Variants in DTD1 observed in about 807,000 individuals in gnomAD.
DTD1 encodes the protein D-aminoacyl-tRNA deacylase 1, also known as D-tyrosyl-tRNA deacylase 1 homolog.
A neutral mutation model predicts 25.6 loss-of-function variants in DTD1; 13 were observed. That is an observed-to-expected ratio of 0.51 (90% CI 0.33 to 0.81). The LOEUF is 0.81. DTD1 is among the 30% of genes least tolerant of loss of function. The pLI is 0.02. For synonymous variants in DTD1, 110 were observed against 103.6 expected, an observed-to-expected ratio of 1.06 and a Z score of -0.37; for missense variants, 193 against 266.4, an observed-to-expected ratio of 0.72 and a Z score of 1.92.
At position 18,765,965 on chromosome 20, in the gene DTD1, A is replaced by G. The variant is rs2061377742; in HGVS notation, c.*2625A>G. The G allele has an allele frequency of 6.6e-6, 1 of 152,254 alleles. No individual in the cohort carries two copies. Among genetic ancestry groups the G allele is most frequent in the African/African-American group, 2.4e-5 (1 of 41,458 alleles). 9.4% of individuals were successfully genotyped at this position (152,254 alleles called of 1,614,324 possible). On this transcript the variant is annotated 3_prime_UTR_variant, in exon 6 of 6. Coordinates refer to ENST00000377452, the MANE Select transcript of DTD1 (RefSeq NM_080820.6). The stretch of plus-strand genomic sequence containing the variant: ...GAGTGCTGTGCCGATAACACTGCAT[A>G]GCAGGACCCATTTAATCTTGCCTTT...
intron 4 of DTD1, chr20:18,631,710 C>G (rs1485623613): frequency 7.1e-6 from 7 of 985,324 alleles, no homozygotes; most frequent in Non-Finnish European, 8.4e-6. Flanking sequence ...ACGTCATTCT[C>G]TCTGGGTTTT....
intron 4 of DTD1, among the ~76,000 whole-genome samples, chr20:18,708,231 T>A (rs11699529): frequency 0.012 from 182 of 15,262 alleles, 2 homozygotes; most frequent in East Asian, 0.021. Context: ...ATATATATAT[T>A]TTATATATAT....
chr20:18,667,401 C>T (rs1019965600), intron 4 of DTD1, among the ~76,000 whole-genome samples: 3 of 152,156 alleles, frequency 2.0e-5, no homozygotes, highest in Non-Finnish European at 4.4e-5. Context: ...CTAAGCGGCC[C>T]TGACGAGCCT....
intron 4 of DTD1, among the ~76,000 whole-genome samples, chr20:18,651,782 C>T (rs1045386716): frequency 1.3e-5 from 2 of 152,194 alleles, no homozygotes; most frequent in African/African-American, 4.8e-5. Context: ...TTAGTAGGCT[C>T]TGGCATCCTT....
intron 4 of DTD1, among the ~76,000 whole-genome samples, chr20:18,673,225 GTTAA>G (rs2060957252): frequency 6.6e-6 from 1 of 152,114 alleles, no homozygotes. Flanking sequence ...AAATTTTGAG[GTTAA>G]TTAATGTTTT....
intron 4 of DTD1, among the ~76,000 whole-genome samples, chr20:18,703,584 TG>T (rs1378548434): frequency 6.6e-6 from 1 of 152,136 alleles, no homozygotes; most frequent in South Asian, 2.1e-4. Flanking sequence ...TTTTTCCATT[TG>T]TTTTTTTAAC....
intron 4 of DTD1, among the ~76,000 whole-genome samples, chr20:18,689,083 C>A (rs2061031000): frequency 1.3e-5 from 2 of 152,182 alleles, no homozygotes; most frequent in African/African-American, 4.8e-5. Context: ...AATGCGTGGA[C>A]CGTAATAGAG....
chr20:18,652,952 G>C (rs1488588568), intron 4 of DTD1, among the ~76,000 whole-genome samples: 5 of 152,200 alleles, frequency 3.3e-5, no homozygotes, highest in African/African-American at 4.8e-5. Flanking sequence ...AGAGGAGAGA[G>C]TTGTTCAGGA....
At chr20:18,701,937 G>A (rs77368939) in intron 4 of DTD1, among the ~76,000 whole-genome samples, 1,871 of 152,316 alleles carry the variant, frequency 0.012, 96 homozygotes, top group Admixed American at 0.088. Flanking sequence ...ATAATTTAGA[G>A]TTTTTCATTT....
chr20:18,611,232 T>C (rs1205722705), intron 3 of DTD1: 2 of 152,226 alleles, frequency 1.3e-5, no homozygotes, highest in Non-Finnish European at 2.9e-5. Context: ...CCTACAATTA[T>C]ATCAACAGTG....
chr20:18,669,504 C>G (rs1200750326), intron 4 of DTD1, among the ~76,000 whole-genome samples: 1 of 152,200 alleles, frequency 6.6e-6, no homozygotes, highest in Non-Finnish European at 1.5e-5. Flanking sequence ...CTCTTGGGAT[C>G]TACCCCCTTT....
At chr20:18,707,583 G>T (rs1412617129) in intron 4 of DTD1, among the ~76,000 whole-genome samples, 1 of 152,152 alleles carries the variant, frequency 6.6e-6, no homozygotes, top group Non-Finnish European at 1.5e-5. Flanking sequence ...AAGGGTGAGT[G>T]GCTCTTTTCA....
chr20:18,655,830 G>T (rs1215067844), intron 4 of DTD1, among the ~76,000 whole-genome samples: 1 of 152,068 alleles, frequency 6.6e-6, no homozygotes, highest in Non-Finnish European at 1.5e-5. Context: ...GAGTGCAATG[G>T]CGTGATCCGG....
At chr20:18,597,980 A>T (rs959057939) in intron 3 of DTD1, among the ~76,000 whole-genome samples, 1 of 123,330 alleles carries the variant, frequency 8.1e-6, no homozygotes. Context: ...TTTTCTCCCA[A>T]CATTTTGTCT....
chr20:18,614,499 A>G (rs1008327668), intron 3 of DTD1, among the ~76,000 whole-genome samples: 1 of 152,168 alleles, frequency 6.6e-6, no homozygotes, highest in African/African-American at 2.4e-5. Context: ...AGCTCTAGGC[A>G]GGTGTGTGAC....
chr20:18,626,179 C>T (rs2060756881), intron 3 of DTD1, among the ~76,000 whole-genome samples: 1 of 152,186 alleles, frequency 6.6e-6, no homozygotes, highest in African/African-American at 2.4e-5. Flanking sequence ...TGTGTACTAA[C>T]CTATGTGCAC....
At chr20:18,641,287 A>G (rs911489562) in intron 4 of DTD1, among the ~76,000 whole-genome samples, 4 of 152,212 alleles carry the variant, frequency 2.6e-5, no homozygotes, top group African/African-American at 9.6e-5. Flanking sequence ...TATTGTGAAT[A>G]GCGCTGCTGT....
intron 4 of DTD1, among the ~76,000 whole-genome samples, chr20:18,647,772 G>T (rs776774015): frequency 2.0e-5 from 3 of 152,092 alleles, no homozygotes; most frequent in Non-Finnish European, 4.4e-5. Context: ...GTGAGGGGAA[G>T]GTCAGAAGTC....
At chr20:18,599,676 A>G (rs559173048) in intron 3 of DTD1, among the ~76,000 whole-genome samples, 1 of 152,296 alleles carries the variant, frequency 6.6e-6, no homozygotes, top group South Asian at 2.1e-4. Flanking sequence ...CATTCTTGCT[A>G]ATATTTGGTG....
Sources: gnomAD v4.1 joint callset for allele counts (sites outside exome capture counted in the v4.1 genomes callset) on GRCh38, gnomAD v4.1.1 for gene constraint, MANE v1.5 for transcripts, NCBI Gene and HGNC (gene_info 2026-07-23, HGNC 2026-07-21) for gene names.